The following HIVEP1 variants were observed in gnomAD, a reference collection of about 807,000 sequenced individuals.
HIVEP1 encodes the protein zinc finger protein 40.
In HIVEP1, 36 loss-of-function variants were observed where a neutral mutation model predicts 180.0. That is an observed-to-expected ratio of 0.20 (90% CI 0.15 to 0.26). The LOEUF is 0.26. HIVEP1 is among the 10% of genes least tolerant of loss of function. The probability of loss-of-function intolerance (pLI) is 1.00; values close to 1 mark genes in which losing one functional copy is unlikely to be tolerated. For missense variants in HIVEP1, 3,143 were observed against 3,268.7 expected (o/e 0.96, Z 0.94); for synonymous variants, 1,239 against 1,239.0 (o/e 1.00, Z 0.00).
chr6:12,092,358 G>A (rs1302498228), intron 3 of HIVEP1, among the ~76,000 whole-genome samples: 2 of 152,184 alleles, frequency 1.3e-5, no homozygotes, highest in Admixed American at 6.5e-5. Context: ...TTCACTTAAC[G>A]TTGTTCCTAA....
intron 3 of HIVEP1, among the ~76,000 whole-genome samples, chr6:12,096,300 C>G (rs1008429752): frequency 2.6e-5 from 4 of 151,818 alleles, no homozygotes; most frequent in African/African-American, 9.7e-5. Flanking sequence ...GAATGATATT[C>G]ATATTTGCTC....
At chr6:12,009,600 GTTTA>G (rs5874357), upstream of HIVEP1, among the ~76,000 whole-genome samples, 60,256 of 151,712 alleles carry the variant, frequency 0.4, 12,854 homozygotes, top group Non-Finnish European at 0.49. Flanking sequence ...CCCACGCTGT[GTTTA>G]TTTGATACAT....
chr6:12,078,944 G>T (rs548025948), intron 2 of HIVEP1, among the ~76,000 whole-genome samples: 2 of 152,060 alleles, frequency 1.3e-5, no homozygotes, highest in African/African-American at 4.8e-5. Flanking sequence ...GTGTGCGTGC[G>T]TGTATGCGTG....
chr6:12,164,471 T>C lies in HIVEP1; in HGVS notation c.*10T>C. Reference sequence around the variant, plus strand: ...TGTGATAGCAACCTGATGGATTTTATTTTTTATTTGCTTTTTTTTTATATA... The same window carrying C: ...TGTGATAGCAACCTGATGGATTTTACTTTTTATTTGCTTTTTTTTTATATA... On this transcript the variant is annotated 3_prime_UTR_variant, in exon 9 of 9. Transcript: ENST00000379388. 1 of 1,566,706 alleles carries C rather than the reference T, an allele frequency of 6.4e-7. No homozygotes were observed. The highest frequency in any genetic ancestry group is 8.6e-7 in the Non-Finnish European group (1 of 1,161,346).
chr6:12,078,785 G>T (rs895618902), intron 2 of HIVEP1, among the ~76,000 whole-genome samples: 4 of 151,028 alleles, frequency 2.6e-5, no homozygotes, highest in Non-Finnish European at 3.0e-5. Context: ...GACAAGGGGT[G>T]GGGTAGTGGC....
chr6:12,170,936 TTTC>T, the HIVEP1 span, among the ~76,000 whole-genome samples: 1 of 152,198 alleles, frequency 6.6e-6, no homozygotes. Flanking sequence ...CACAGTATTC[TTTC>T]TTTTTAGTTG....
chr6:12,163,709 A>C lies in HIVEP1; in HGVS notation c.7405A>C (p.Ile2469Leu), dbSNP rs373208541. 76 of 1,614,008 alleles carry C rather than the reference A, an allele frequency of 4.7e-5. No homozygotes were observed. Among genetic ancestry groups the C allele is most frequent in the Non-Finnish European group, 6.3e-5 (74 of 1,180,036 alleles). ...AAGCAGTGTTGTGCCATGTATTCCT[A>C]TCGGCCAAATCCGCGTGCCAGGCCT... The part of the protein sequence containing the change: ...ELSSVVPCIP[I>L]GQIRVPGLQN... Residue 2469 changes from isoleucine to leucine, a missense_variant, in exon 9 of 9, where the codon ATC becomes CTC. Coordinates refer to ENST00000379388, the MANE Select transcript of HIVEP1 (RefSeq NM_002114.4).
chr6:12,028,150 C>T lies in HIVEP1; in HGVS notation c.40+12482C>T, dbSNP rs570882907. Among the ~76,000 whole-genome samples the T allele has an allele frequency of 4.6e-5, 7 of 152,254 alleles. No homozygotes were observed. The South Asian group carries it at 1.5e-3, about 32-fold the overall frequency. On this transcript the variant is annotated intron_variant, in intron 2 of 8. Coordinates refer to ENST00000379388, the MANE Select transcript of HIVEP1 (RefSeq NM_002114.4). ...TAGTATGAGAATCGGTAACTGTTAA[C>T]ATGTTTCCTTTCCCAGCGACAGGAA...
the HIVEP1 span, among the ~76,000 whole-genome samples, chr6:12,200,739 TCAAA>T: frequency 2.0e-5 from 3 of 152,248 alleles, no homozygotes. Flanking sequence ...ACAGGTAGCT[TCAAA>T]CAGTCTGCCT....
At chr6:12,060,507 A>C (rs1771155321) in intron 2 of HIVEP1, among the ~76,000 whole-genome samples, 2 of 152,252 alleles carry the variant, frequency 1.3e-5, no homozygotes, top group Non-Finnish European at 2.9e-5. Context: ...AATCTGCAAA[A>C]GAAACAATGC....
At chr6:12,089,512 T>C (rs1348544116) in intron 3 of HIVEP1, among the ~76,000 whole-genome samples, 2 of 152,098 alleles carry the variant, frequency 1.3e-5, no homozygotes, top group South Asian at 4.1e-4. Context: ...TTTGTGAGAC[T>C]GTCCTGTAGC....
intron 7 of HIVEP1, among the ~76,000 whole-genome samples, chr6:12,142,331 A>G (rs1317758816): frequency 1.3e-5 from 2 of 152,246 alleles, no homozygotes; most frequent in East Asian, 1.9e-4. Flanking sequence ...GTTCTTTGAA[A>G]CCAGTGAGAA....
intron 3 of HIVEP1, among the ~76,000 whole-genome samples, chr6:12,110,283 G>A (rs1195426108): frequency 1.3e-5 from 2 of 152,240 alleles, no homozygotes; most frequent in Non-Finnish European, 2.9e-5. Flanking sequence ...TAGCAAGAGA[G>A]TCAGCCTGTC....
downstream of HIVEP1, chr6:12,165,117 C>A (rs964450349): frequency 1.9e-6 from 1 of 514,368 alleles, no homozygotes; most frequent in Non-Finnish European, 3.9e-6. Context: ...TTTTTATAAA[C>A]AGAGACTTTA....
At chr6:12,163,215 C>G (rs1031283264) in intron 8 of HIVEP1, 68 bp from the exon 9 acceptor site, 2 of 1,091,746 alleles carry the variant, frequency 1.8e-6, no homozygotes, top group African/African-American at 3.1e-5. Flanking sequence ...ATAGATTTAG[C>G]ACTAGCTTTA....
At chr6:12,020,786 G>T (rs1172787437) in intron 2 of HIVEP1, among the ~76,000 whole-genome samples, 1 of 151,908 alleles carries the variant, frequency 6.6e-6, no homozygotes, top group East Asian at 1.9e-4. Flanking sequence ...AAAATTTGGT[G>T]TAGCTGTTTT....
intron 7 of HIVEP1, among the ~76,000 whole-genome samples, chr6:12,140,816 A>G (rs1758980047): frequency 1.3e-5 from 2 of 152,374 alleles, no homozygotes; most frequent in African/African-American, 2.4e-5. Context: ...AGAAGGTTAG[A>G]GAAAAAAGAG....
At chr6:12,075,663 A>G (rs1011736016) in intron 2 of HIVEP1, among the ~76,000 whole-genome samples, 22 of 151,264 alleles carry the variant, frequency 1.5e-4, no homozygotes, top group African/African-American at 5.1e-4. Context: ...ATAAGCCTCC[A>G]TTTACCTATC....
At chr6:12,168,313 T>TATATACATATACATATATA (rs1554161602), downstream of HIVEP1, among the ~76,000 whole-genome samples, 1 of 113,072 alleles carries the variant, frequency 8.8e-6, no homozygotes. Context: ...ATACATATAT[T>TATATACATATACATATATA]ATATACATAT....
Sources: allele counts gnomAD v4.1 joint callset (sites outside exome capture counted in the v4.1 genomes callset), GRCh38; gene constraint gnomAD v4.1.1; transcripts MANE v1.5; gene names NCBI Gene and HGNC (gene_info 2026-07-23, HGNC 2026-07-21).